Variants in ZNF69 observed in about 807,000 individuals in gnomAD.
ZNF69 encodes zinc finger protein 69.
Under a neutral mutation model 50.9 loss-of-function variants are expected in ZNF69, and 47 were observed. That is an observed-to-expected ratio of 0.92 (90% CI 0.73 to 1.18). ZNF69 has a LOEUF of 1.18. Among genes scored for constraint, ZNF69 ranks in the 50% most tolerant of loss-of-function variants. ZNF69 has a pLI of 0.00. For synonymous variants in ZNF69, 216 were observed against 223.1 expected, an observed-to-expected ratio of 0.97 and a Z score of 0.29; for missense variants, 717 against 675.1, an observed-to-expected ratio of 1.06 and a Z score of -0.69.
chr19:11,948,150 G>A, the ZNF69 span: 42 of 1,143,080 alleles, frequency 3.7e-5, no homozygotes, highest in Non-Finnish European at 4.8e-5. Context: ...ACCTTCAAAC[G>A]ATTCAGACAG....
the ZNF69 span, chr19:11,979,162 G>A: frequency 6.2e-7 from 1 of 1,611,914 alleles, no homozygotes. Flanking sequence ...TCGAAGACAT[G>A]AAAAAACTCA....
the ZNF69 span, among the ~76,000 whole-genome samples, chr19:11,929,082 T>C: frequency 6.7e-6 from 1 of 148,606 alleles, no homozygotes; most frequent in Non-Finnish European, 1.5e-5. Flanking sequence ...GTGAAAGCTG[T>C]GTGTCAGGTC....
chr19:11,931,897 C>T, the ZNF69 span, among the ~76,000 whole-genome samples: 1 of 147,936 alleles, frequency 6.8e-6, no homozygotes, highest in Non-Finnish European at 1.5e-5. Context: ...ATGCAGATAG[C>T]CTGAGTTCAG....
the ZNF69 span, among the ~76,000 whole-genome samples, chr19:11,966,806 C>A: frequency 6.6e-6 from 1 of 152,028 alleles, no homozygotes; most frequent in Non-Finnish European, 1.5e-5. Context: ...CCGAAATAAT[C>A]GAAAGGTTCA....
exon 5 of ZNF69, chr19:11,914,310 C>T (rs1462547916): frequency 3.7e-5 from 5 of 134,422 alleles, no homozygotes; most frequent in Non-Finnish European, 8.1e-5. Flanking sequence ...AGCGAAACTC[C>T]GTTTCAAAAA....
At chr19:11,956,808 C>A in the ZNF69 span, among the ~76,000 whole-genome samples, 1 of 152,280 alleles carries the variant, frequency 6.6e-6, no homozygotes, top group South Asian at 2.1e-4. Flanking sequence ...GAGCCAAGAT[C>A]ACACCATTGC....
the ZNF69 span, chr19:11,949,496 T>G: frequency 1.9e-6 from 3 of 1,609,974 alleles, no homozygotes; most frequent in Non-Finnish European, 2.5e-6. Context: ...CACCTTCAAA[T>G]TCATGAAAGG....
the ZNF69 span, among the ~76,000 whole-genome samples, chr19:11,936,271 C>T: frequency 6.6e-6 from 1 of 152,186 alleles, no homozygotes; most frequent in South Asian, 2.1e-4. Context: ...ACACTGTCTT[C>T]CACAATGGTT....
chr19:11,931,011 A>C, the ZNF69 span, among the ~76,000 whole-genome samples: 12 of 147,816 alleles, frequency 8.1e-5, 1 homozygote, highest in Non-Finnish European at 1.3e-4. Context: ...AAAAAAAAAA[A>C]AACAACATAG....
chr19:11,948,797 CCTTTA>C, the ZNF69 span: 3 of 1,610,198 alleles, frequency 1.9e-6, no homozygotes, highest in Non-Finnish European at 2.5e-6. Context: ...TGTGGTAAAT[CCTTTA>C]CTTATTCTGC....
At chr19:11,894,739 C>T (rs1209253486) in intron 1 of ZNF69, among the ~76,000 whole-genome samples, 3 of 152,174 alleles carry the variant, frequency 2.0e-5, no homozygotes, top group South Asian at 2.1e-4. Context: ...GCCAACCCCT[C>T]GAGATGCTCA....
downstream of ZNF69, among the ~76,000 whole-genome samples, chr19:11,907,994 G>C (rs978089987): frequency 1.3e-5 from 2 of 151,988 alleles, no homozygotes; most frequent in African/African-American, 4.8e-5. Context: ...CAAGCAAATG[G>C]AAAACAAACA....
the ZNF69 span, among the ~76,000 whole-genome samples, chr19:11,937,456 A>G: frequency 6.8e-6 from 1 of 147,200 alleles, no homozygotes; most frequent in East Asian, 2.0e-4. Flanking sequence ...TTTTTAATAC[A>G]TGTCTTTATA....
the ZNF69 span, among the ~76,000 whole-genome samples, chr19:11,973,203 T>C: frequency 1.3e-5 from 2 of 152,160 alleles, no homozygotes; most frequent in Non-Finnish European, 2.9e-5. Context: ...CTCCCTCTTT[T>C]GCCACCCCTA....
downstream of ZNF69, among the ~76,000 whole-genome samples, chr19:11,908,725 A>G (rs531780064): frequency 1.3e-5 from 2 of 152,354 alleles, no homozygotes; most frequent in South Asian, 4.1e-4. Context: ...AGCAGGAAAG[A>G]TGTAAAATTG....
the ZNF69 span, among the ~76,000 whole-genome samples, chr19:11,950,928 G>A: frequency 8.0e-3 from 1,214 of 152,030 alleles, 18 homozygotes; most frequent in African/African-American, 0.027. Flanking sequence ...CAAGGCAGGC[G>A]GATCACGAGG....
chr19:11,951,795 C>G, the ZNF69 span, among the ~76,000 whole-genome samples: 1 of 152,162 alleles, frequency 6.6e-6, no homozygotes, highest in Non-Finnish European at 1.5e-5. Context: ...ATAAAATATT[C>G]TCTTTTTTTG....
chr19:11,896,752 C>A (rs1405999463), intron 1 of ZNF69, among the ~76,000 whole-genome samples: 1 of 152,086 alleles, frequency 6.6e-6, no homozygotes, highest in Non-Finnish European at 1.5e-5. Context: ...ACCCCCCAAC[C>A]ATATTCTATA....
At position 11,906,347 on chromosome 19, in the gene ZNF69, T is replaced by G; in HGVS notation, c.*249T>G. On this transcript the variant is annotated 3_prime_UTR_variant, in exon 4 of 4. Transcript: ENST00000429654. ...AGTAGCAGTCCTCCCAGCATGGAGT[T>G]TGAGATCTAAGAATGGACAGTCTGC... 1 of 1,077,302 alleles carries G rather than the reference T, an allele frequency of 9.3e-7. No homozygotes were observed. The highest frequency in any genetic ancestry group is 2.6e-5 in the South Asian group (1 of 38,768). The allele number at this position is 1,077,302 out of a possible 1,614,324, so 66.7% of individuals were successfully genotyped here. A position where few individuals can be genotyped will look rare whatever the true frequency, so the allele number is the denominator to read the frequency against.
Sources: allele counts gnomAD v4.1 joint callset (sites outside exome capture counted in the v4.1 genomes callset), GRCh38; gene constraint gnomAD v4.1.1; transcripts MANE v1.5; gene names NCBI Gene and HGNC (gene_info 2026-07-23, HGNC 2026-07-21).